The following KCNMA1 variants were observed in gnomAD, a reference collection of about 807,000 sequenced individuals.
KCNMA1 encodes the protein potassium calcium-activated channel subfamily M alpha 1, also known as Calcium-activated potassium channel subunit alpha-1.
Under a neutral mutation model 140.0 loss-of-function variants are expected in KCNMA1, and 29 were observed. That is an observed-to-expected ratio of 0.21 (90% CI 0.15 to 0.28). The LOEUF (loss-of-function observed/expected upper bound fraction) is 0.28. Ranked by LOEUF, KCNMA1 falls within the 10% of genes least tolerant of loss-of-function variation. KCNMA1 has a pLI of 1.00. For missense variants in KCNMA1, 880 were observed against 1,602.2 expected (o/e 0.55, Z 7.70); for synonymous variants, 612 against 611.9 (o/e 1.00, Z 0.00).
At chr10:77,470,730 A>T (rs1424963124) in intron 1 of KCNMA1, among the ~76,000 whole-genome samples, 1 of 152,178 alleles carries the variant, frequency 6.6e-6, no homozygotes, top group Non-Finnish European at 1.5e-5. Flanking sequence ...CTGGGGTCTA[A>T]CTTGGGAAAC....
intron 2 of KCNMA1, among the ~76,000 whole-genome samples, chr10:77,383,690 T>C (rs2095506414): frequency 6.6e-6 from 1 of 152,202 alleles, no homozygotes; most frequent in South Asian, 2.1e-4. Context: ...TTTTTTGTAC[T>C]AAATTTCCAC....
At chr10:77,242,571 C>T (rs930594903) in intron 3 of KCNMA1, among the ~76,000 whole-genome samples, 8 of 152,150 alleles carry the variant, frequency 5.3e-5, no homozygotes, top group Non-Finnish European at 8.8e-5. Flanking sequence ...TATTGCTTAG[C>T]GATGCCTTAC....
chr10:76,938,867 C>T (rs1477828527), intron 23 of KCNMA1, among the ~76,000 whole-genome samples: 1 of 151,996 alleles, frequency 6.6e-6, no homozygotes, highest in Admixed American at 6.6e-5. Context: ...CACCTGTTAT[C>T]TTTTTCAAGC....
At chr10:77,489,394 G>A (rs762379416) in intron 1 of KCNMA1, among the ~76,000 whole-genome samples, 1 of 151,856 alleles carries the variant, frequency 6.6e-6, no homozygotes, top group African/African-American at 2.4e-5. Flanking sequence ...GGAGTGGAGT[G>A]GCACGATCTT....
intron 2 of KCNMA1, among the ~76,000 whole-genome samples, chr10:77,366,067 A>G (rs1369178030): frequency 6.6e-6 from 1 of 152,200 alleles, no homozygotes; most frequent in Non-Finnish European, 1.5e-5. Flanking sequence ...AGTTAATTCC[A>G]AGGAAGCACT....
intron 14 of KCNMA1, among the ~76,000 whole-genome samples, chr10:77,047,889 C>T (rs1242036751): frequency 6.6e-6 from 1 of 152,114 alleles, no homozygotes; most frequent in Non-Finnish European, 1.5e-5. Flanking sequence ...AGTTCAGCTT[C>T]GTATGCAGGG....
At chr10:77,043,774 G>A (rs1219740803) in intron 14 of KCNMA1, among the ~76,000 whole-genome samples, 2 of 152,166 alleles carry the variant, frequency 1.3e-5, no homozygotes, top group Admixed American at 6.5e-5. Flanking sequence ...CCACTTATAT[G>A]AGGTACCTAG....
At chr10:77,572,569 C>CATATATAT (rs56706119) in intron 1 of KCNMA1, among the ~76,000 whole-genome samples, 1,219 of 37,484 alleles carry the variant, frequency 0.033, 95 homozygotes, top group Non-Finnish European at 0.035. Flanking sequence ...AAAAAAAATC[C>CATATATAT]ATATATATAT....
At chr10:77,094,696 T>C (rs2096887776) in intron 9 of KCNMA1, among the ~76,000 whole-genome samples, 1 of 152,128 alleles carries the variant, frequency 6.6e-6, no homozygotes, top group South Asian at 2.1e-4. Flanking sequence ...TTTTATTTTA[T>C]ATTATATTTT....
intron 2 of KCNMA1, among the ~76,000 whole-genome samples, chr10:77,326,889 C>T (rs571704992): frequency 5.1e-4 from 78 of 152,178 alleles, no homozygotes; most frequent in African/African-American, 1.8e-3. Flanking sequence ...ATGATAATTA[C>T]GTGGTTATTA....
intron 1 of KCNMA1, among the ~76,000 whole-genome samples, chr10:77,622,752 C>A (rs2091711857): frequency 6.6e-6 from 1 of 152,194 alleles, no homozygotes; most frequent in South Asian, 2.1e-4. Flanking sequence ...ATGCTTAATG[C>A]ATAGAAGCCA....
chr10:77,398,756 C>T (rs1452156233), intron 2 of KCNMA1, among the ~76,000 whole-genome samples: 1 of 152,198 alleles, frequency 6.6e-6, no homozygotes, highest in Non-Finnish European at 1.5e-5. Flanking sequence ...AGAATATTTA[C>T]TATCTGGCCT....
chr10:77,204,098 GA>G (rs11325401), intron 3 of KCNMA1, among the ~76,000 whole-genome samples: 11,198 of 120,022 alleles, frequency 0.093, 429 homozygotes, highest in African/African-American at 0.12. Flanking sequence ...TCCCTCTCAG[GA>G]AAAAAAAAAA....
intron 1 of KCNMA1, among the ~76,000 whole-genome samples, chr10:77,579,596 C>T (rs946162060): frequency 6.6e-6 from 1 of 152,016 alleles, no homozygotes; most frequent in Non-Finnish European, 1.5e-5. Context: ...ATGGACTATA[C>T]AAAAAGAAGT....
At chr10:77,301,527 C>T (rs2076522831) in intron 2 of KCNMA1, among the ~76,000 whole-genome samples, 2 of 151,850 alleles carry the variant, frequency 1.3e-5, no homozygotes, top group African/African-American at 4.8e-5. Context: ...CTTCTTTTTC[C>T]TCTTGCATCC....
chr10:77,394,813 A>G (rs1303350249), intron 2 of KCNMA1, among the ~76,000 whole-genome samples: 1 of 152,166 alleles, frequency 6.6e-6, no homozygotes, highest in Non-Finnish European at 1.5e-5. Context: ...TGACAGGCAT[A>G]CAGGGAGTGG....
chr10:77,237,871 C>G (rs1008136741), intron 3 of KCNMA1, among the ~76,000 whole-genome samples: 5 of 152,194 alleles, frequency 3.3e-5, no homozygotes, highest in African/African-American at 1.2e-4. Context: ...GTTTCCTCTT[C>G]AGCCAGCATT....
chr10:77,379,234 C>T (rs1350589219), intron 2 of KCNMA1, among the ~76,000 whole-genome samples: 1 of 152,128 alleles, frequency 6.6e-6, no homozygotes, highest in African/African-American at 2.4e-5. Context: ...GGACAACTGC[C>T]TAATGGAGAG....
intron 2 of KCNMA1, among the ~76,000 whole-genome samples, chr10:77,376,807 G>A (rs897718029): frequency 6.6e-6 from 1 of 151,938 alleles, no homozygotes; most frequent in East Asian, 1.9e-4. Flanking sequence ...GAGTCGTGGC[G>A]CATGCCTGTA....
Sources: allele counts gnomAD v4.1 joint callset (sites outside exome capture counted in the v4.1 genomes callset), GRCh38; gene constraint gnomAD v4.1.1; transcripts MANE v1.5; gene names NCBI Gene and HGNC (gene_info 2026-07-23, HGNC 2026-07-21).